The following JPH2 variants were observed in gnomAD, a reference collection of about 807,000 sequenced individuals.
JPH2 encodes the protein junctophilin-2.
In JPH2, 38 loss-of-function variants were observed where a neutral mutation model predicts 55.9. That is an observed-to-expected ratio of 0.68 (90% CI 0.52 to 0.89). The LOEUF is 0.89. JPH2 is among the 40% of genes least tolerant of loss of function. The pLI is 0.00. For synonymous variants in JPH2, 480 were observed against 472.4 expected (o/e 1.02, Z -0.21); for missense variants, 964 against 1,037.6 (o/e 0.93, Z 0.97).
At chr20:44,133,770 G>A (rs2072341836) in intron 2 of JPH2, among the ~76,000 whole-genome samples, 1 of 148,054 alleles carries the variant, frequency 6.8e-6, no homozygotes, top group Non-Finnish European at 1.5e-5. Flanking sequence ...GCTCTCCAAT[G>A]CCTTCTTAGA....
rs1412116651 is a variant in JPH2 at position 44,111,489 on chromosome 20, T to C, written c.*2029A>G. 6.6e-6 allele frequency among the ~76,000 whole-genome samples: 1 copy of C among 152,200 alleles called. No homozygotes were observed. Among genetic ancestry groups the C allele is most frequent in the Non-Finnish European group, 1.5e-5 (1 of 68,036 alleles). ...CTATTGTCATCTACTCATAGAAGTT[T>C]CTGGAAGTTTGCTTTAGAAACTCCA... On this transcript the variant is annotated 3_prime_UTR_variant, in exon 6 of 6. Transcript: ENST00000372980.
chr20:44,117,286 C>G (rs1191483024), intron 3 of JPH2, among the ~76,000 whole-genome samples: 1 of 151,222 alleles, frequency 6.6e-6, no homozygotes, highest in Non-Finnish European at 1.5e-5. Flanking sequence ...TCAAAAAAAA[C>G]AAAAAAACAA....
At chr20:44,164,668 CA>C (rs2145883368) in intron 1 of JPH2, among the ~76,000 whole-genome samples, 1 of 134,908 alleles carries the variant, frequency 7.4e-6, no homozygotes, top group African/African-American at 2.9e-5. Context: ...ATGAAAGCCT[CA>C]AAAAACAAAC....
chr20:44,168,582 C>T (rs1363513703), intron 1 of JPH2, among the ~76,000 whole-genome samples: 1 of 152,154 alleles, frequency 6.6e-6, no homozygotes, highest in Non-Finnish European at 1.5e-5. Context: ...TTTGATTTTA[C>T]AGTTGGAAAA....
rs2072137888 is a variant in JPH2, at chr20:44,110,944, A to C, written c.*2574T>G. On this transcript the variant is annotated 3_prime_UTR_variant, in exon 6 of 6. Transcript: ENST00000372980. ...TGAGGACAGGGTGTGCCTGAACTCG[A>C]GCCTACTGTTGGTTGAGGGACCTTC... Among the ~76,000 whole-genome samples, 1 of 152,134 alleles carries C rather than the reference A, an allele frequency of 6.6e-6. No individual in the cohort carries two copies. The highest frequency in any genetic ancestry group is 1.5e-5 in the Non-Finnish European group (1 of 68,036).
chr20:44,169,089 T>C (rs2072678107), intron 1 of JPH2, among the ~76,000 whole-genome samples: 1 of 152,008 alleles, frequency 6.6e-6, no homozygotes, highest in Admixed American at 6.6e-5. Flanking sequence ...TTATCAGAGG[T>C]AGATGCTCCA....
intron 2 of JPH2, among the ~76,000 whole-genome samples, chr20:44,122,790 G>T (rs1243779189): frequency 6.6e-6 from 1 of 152,142 alleles, no homozygotes; most frequent in African/African-American, 2.4e-5. Context: ...CATCAAAACT[G>T]AGTGTGCTAC....
chr20:44,157,983 C>T (rs1387865471), intron 2 of JPH2, among the ~76,000 whole-genome samples: 1 of 152,152 alleles, frequency 6.6e-6, no homozygotes, highest in Non-Finnish European at 1.5e-5. Flanking sequence ...GCTGCTGTAC[C>T]CCACCCCAAA....
intron 2 of JPH2, among the ~76,000 whole-genome samples, chr20:44,156,631 C>T (rs1423770378): frequency 6.6e-6 from 1 of 152,150 alleles, no homozygotes; most frequent in East Asian, 1.9e-4. Flanking sequence ...TGGATCCTCA[C>T]ACAGCAGAAG....
chr20:44,181,529 C>A (rs765143411), intron 1 of JPH2, among the ~76,000 whole-genome samples: 8 of 152,198 alleles, frequency 5.3e-5, no homozygotes, highest in Non-Finnish European at 1.0e-4. Context: ...ATGCGTTGTC[C>A]TCTCCAGTTT....
intron 2 of JPH2, among the ~76,000 whole-genome samples, chr20:44,141,963 C>T (rs899710057): frequency 6.6e-6 from 1 of 152,194 alleles, no homozygotes; most frequent in Non-Finnish European, 1.5e-5. Context: ...CTGGGCTGGA[C>T]CATCTCAAGA....
At position 44,116,006 on chromosome 20, in the gene JPH2, C is replaced by G; in HGVS notation, c.1669G>C (p.Glu557Gln). The G allele has an allele frequency of 6.3e-7, 1 of 1,580,604 alleles. No homozygotes were observed. Among genetic ancestry groups the G allele is most frequent in the Non-Finnish European group, 8.5e-7 (1 of 1,171,606 alleles). Residue 557 changes from glutamate (E) to glutamine (Q), a missense_variant, in exon 4 of 6, where the codon GAG becomes CAG. Glu to Gln is a conservative substitution (Grantham distance 29). Coordinates refer to ENST00000372980, the MANE Select transcript of JPH2 (RefSeq NM_020433.5). ...ALQAPPAPSR[E>Q]PEVALYQGYH... ...CCCTGGTAAAGCGCCACCTCCGGCT[C>G]CCGCGACGGCGCAGGCGGTGCCTGC... is the stretch of plus-strand genomic sequence containing the variant.
At chr20:44,136,440 C>CCAT (rs10649860) in intron 2 of JPH2, among the ~76,000 whole-genome samples, 57,965 of 151,340 alleles carry the variant, frequency 0.38, 11,285 homozygotes, top group East Asian at 0.55. Flanking sequence ...GGACTCATCG[C>CCAT]CATCATCATC....
chr20:44,134,041 T>TAA (rs2072351061), intron 2 of JPH2, among the ~76,000 whole-genome samples: 1 of 11,780 alleles, frequency 8.5e-5, no homozygotes, highest in Non-Finnish European at 1.3e-4. Context: ...TATATATTTA[T>TAA]ATATAAATAT....
intron 1 of JPH2, among the ~76,000 whole-genome samples, chr20:44,174,666 C>T (rs1042849079): frequency 2.0e-5 from 3 of 151,854 alleles, no homozygotes; most frequent in Admixed American, 1.3e-4. Context: ...CCCAGCTACT[C>T]GGGAGGCTGA....
intron 1 of JPH2, among the ~76,000 whole-genome samples, chr20:44,180,213 C>T (rs776984044): frequency 1.2e-4 from 19 of 152,044 alleles, no homozygotes; most frequent in Admixed American, 2.6e-4. Context: ...AGCGGAATTC[C>T]GTCTCAAAAA....
chr20:44,114,371 C>A (rs1227195959), intron 5 of JPH2, among the ~76,000 whole-genome samples: 1 of 152,158 alleles, frequency 6.6e-6, no homozygotes, highest in Non-Finnish European at 1.5e-5. Flanking sequence ...AACGGTAAGA[C>A]TTTTCTGTAA....
chr20:44,130,496 C>G (rs2072310095), intron 2 of JPH2, among the ~76,000 whole-genome samples: 1 of 152,266 alleles, frequency 6.6e-6, no homozygotes, highest in Admixed American at 6.5e-5. Context: ...GGACGGAGAT[C>G]TGGCTGCACT....
At chr20:44,122,283 G>T (rs1414267024) in intron 2 of JPH2, among the ~76,000 whole-genome samples, 1 of 152,206 alleles carries the variant, frequency 6.6e-6, no homozygotes, top group Non-Finnish European at 1.5e-5. Flanking sequence ...GCCTAGGGAA[G>T]AGTTAAGAGC....
Sources: allele counts gnomAD v4.1 joint callset (sites outside exome capture counted in the v4.1 genomes callset), GRCh38; gene constraint gnomAD v4.1.1; transcripts MANE v1.5; gene names NCBI Gene and HGNC (gene_info 2026-07-23, HGNC 2026-07-21).